PIEZO1: variants seen among roughly 807,000 people sequenced by gnomAD.
PIEZO1 encodes piezo type mechanosensitive ion channel component 1 (Er blood group).
In PIEZO1, 296 loss-of-function variants were observed where a neutral mutation model predicts 297.2. That is an observed-to-expected ratio of 1.00 (90% confidence interval 0.91 to 1.10). The LOEUF (loss-of-function observed/expected upper bound fraction) is 1.10. Among genes scored for constraint, PIEZO1 ranks in the 50% least tolerant of loss-of-function variants. The pLI is 0.00. For synonymous variants in PIEZO1, 2,427 were observed against 1,507.5 expected (o/e 1.61, Z -14.13); for missense variants, 5,018 against 3,455.5 (o/e 1.45, Z -11.34).
At chr16:88,764,699 T>G (rs1266253079) in intron 1 of PIEZO1, among the ~76,000 whole-genome samples, 1 of 144,570 alleles carries the variant, frequency 6.9e-6, no homozygotes, top group African/African-American at 2.6e-5. Flanking sequence ...CCCAGTGAGC[T>G]GGGATCGCAC....
intron 20 of PIEZO1, 25 bp downstream of exon 20, chr16:88,732,574 CCCGCCCAG>C: frequency 1.3e-6 from 2 of 1,543,194 alleles, no homozygotes; most frequent in Non-Finnish European, 8.8e-7. Context: ...CGGGTACTCG[CCCGCCCAG>C]CCGCCCACCA....
At chr16:88,765,759 T>C (rs1182943834) in intron 1 of PIEZO1, among the ~76,000 whole-genome samples, 2 of 150,212 alleles carry the variant, frequency 1.3e-5, no homozygotes, top group Admixed American at 6.6e-5. Flanking sequence ...CTACAACCTC[T>C]ACCTCCTGGG....
intron 1 of PIEZO1, 80 bp from the exon 2 acceptor site, chr16:88,749,559 A>G (rs1374343230): frequency 4.7e-6 from 5 of 1,069,028 alleles, no homozygotes; most frequent in Non-Finnish European, 5.3e-6. Context: ...CCCACGGCCC[A>G]GCTCGTCACA....
chr16:88,731,507 T>A, intron 22 of PIEZO1, 199 bp downstream of exon 22: 1 of 584,426 alleles, frequency 1.7e-6, no homozygotes. Flanking sequence ...CAGCAGAGCC[T>A]GGAGGGGGCC....
rs2142769261 is a variant in PIEZO1, at chr16:88,722,629, G to A, written c.4729C>T (p.Leu1577=). The change falls in exon 35 of 51, where the codon CTG becomes TTG. Residue 1577 remains leucine, a synonymous_variant. Coordinates refer to ENST00000301015, the MANE Select transcript of PIEZO1 (RefSeq NM_001142864.4). Reference sequence around the variant, plus strand: ...TTGGGGGCCTCGGTGGGGCCTGGCAGCGTGGCCTCGGCCTGGCTTGTGTAC... The same window carrying A: ...TTGGGGGCCTCGGTGGGGCCTGGCAACGTGGCCTCGGCCTGGCTTGTGTAC... ...QLYTSQAEAT[L]PGPTEAPNAP... 1 of 1,538,540 alleles carries A rather than the reference G, an allele frequency of 6.5e-7. No individual in the cohort carries two copies. Among genetic ancestry groups the A allele is most frequent in the Non-Finnish European group, 8.7e-7 (1 of 1,146,036 alleles).
chr16:88,774,872 G>C (rs958488485), intron 1 of PIEZO1, among the ~76,000 whole-genome samples: 5 of 152,230 alleles, frequency 3.3e-5, no homozygotes, highest in African/African-American at 1.2e-4. Context: ...AACCACCCAG[G>C]CATTCAGAGA....
Position 88,722,385 on chromosome 16 carries a change from C to G in PIEZO1, c.4788G>C (p.Ala1596=). 6.6e-7 allele frequency: 1 copy of G among 1,505,200 alleles called. No individual in the cohort carries two copies. The allele number at this position is 1,505,200 out of a possible 1,614,324, so 93.2% of individuals were successfully genotyped here. A position where few individuals can be genotyped will look rare whatever the true frequency, so the allele number is the denominator to read the frequency against. ...CTGTCATGCTGCTGAGTGGCTCCTC[C>G]GCGCCCAGCCCACTGGGGAGGGAAG... is the stretch of plus-strand genomic sequence containing the variant. ...APSTVSSGLG[A]EEPLSSMTDD... is the part of the protein sequence containing the mutation. The change falls in exon 36 of 51, where the codon GCG becomes GCC. Residue 1596 remains alanine (A), a synonymous_variant. Transcript: ENST00000301015.
chr16:88,749,424 C>T lies in PIEZO1; in HGVS notation c.120G>A (p.Leu40=). The T allele has an allele frequency of 6.6e-7, 1 of 1,522,918 alleles. No individual in the cohort carries two copies. Among genetic ancestry groups the T allele is most frequent in the Non-Finnish European group, 8.8e-7 (1 of 1,141,718 alleles). The allele number at this position is 1,522,918 out of a possible 1,614,324, so 94.3% of individuals were successfully genotyped here. A position where few individuals can be genotyped will look rare whatever the true frequency, so the allele number is the denominator to read the frequency against. The change falls in exon 2 of 51, where the codon CTG becomes CTA. Residue 40 remains leucine, a synonymous_variant. Transcript: ENST00000301015. ...GGGTGGGGCCGGGGAACCAGGGCAGCAGCAGCAGGAAGAGCAGGTAGACCA... is the reference window on the plus strand; with the variant it reads ...GGGTGGGGCCGGGGAACCAGGGCAGTAGCAGCAGGAAGAGCAGGTAGACCA... ...LSLVYLLFLL[L]LPWFPGPTRC...
At position 88,727,647 on chromosome 16, in the gene PIEZO1, A is replaced by G; in HGVS notation, c.3211T>C (p.Trp1071Arg). The change falls in exon 23 of 51, where the codon TGG becomes CGG. Residue 1071 changes from tryptophan to arginine, a missense_variant. Transcript: ENST00000301015. ...PALCIDYPWR[W>R]SRAVPMNSAL... ...GAGTTCATGGGGACGGCCCGGCTCC[A>G]GCGCCAGGGATAATCTGGGGGAAGG... is the stretch of plus-strand genomic sequence containing the variant. The G allele has an allele frequency of 6.8e-7, 1 of 1,478,422 alleles. No individual in the cohort carries two copies. The highest frequency in any genetic ancestry group is 1.4e-5 in the African/African-American group (1 of 70,790). 91.6% of individuals were successfully genotyped at this position (1,478,422 alleles called of 1,614,324 possible). A position where few individuals can be genotyped will look rare whatever the true frequency, so the allele number is the denominator to read the frequency against.
intron 21 of PIEZO1, 70 bp downstream of exon 21, chr16:88,732,254 TGCGGTGCCTGC>T (rs1904902412): frequency 2.4e-6 from 3 of 1,269,008 alleles, no homozygotes; most frequent in Non-Finnish European, 3.3e-6. Context: ...GGGCCAGGCT[TGCGGTGCCTGC>T]ACGGTGCAGC....
At chr16:88,736,616 C>T (rs984450945) in intron 11 of PIEZO1, 23 bp downstream of exon 11, 19 of 1,517,174 alleles carry the variant, frequency 1.3e-5, no homozygotes, top group Non-Finnish European at 1.6e-5. Context: ...GGGCCGCCCA[C>T]CCCAACCCCC....
Position 88,732,579 on chromosome 16 carries a change from C to T in PIEZO1, c.2790+28G>A, listed in dbSNP as rs748433666. 63 of 1,543,328 alleles carry T rather than the reference C, an allele frequency of 4.1e-5. No homozygotes were observed. In the South Asian group the frequency reaches 6.8e-4, roughly 17 times the overall value. ...AGGGGGCAGCCGGGTACTCGCCCGC[C>T]CAGCCGCCCACCAGCCCTTCAACTC... is the stretch of plus-strand genomic sequence containing the variant. On this transcript the variant is annotated intron_variant, in intron 20 of 50. Coordinates refer to ENST00000301015, the MANE Select transcript of PIEZO1 (RefSeq NM_001142864.4).
chr16:88,749,445 G>C lies in PIEZO1; in HGVS notation c.99C>G (p.Val33=), dbSNP rs1241374574. ...CLLRFSGLSL[V]YLLFLLLLPW... Reference sequence around the variant, plus strand: ...GCAGCAGCAGCAGGAAGAGCAGGTAGACCAGCGAGAGTCCGCTGAAGCGGA... The same window carrying C: ...GCAGCAGCAGCAGGAAGAGCAGGTACACCAGCGAGAGTCCGCTGAAGCGGA... Residue 33 remains valine (V), a synonymous_variant, in exon 2 of 51, where the codon GTC becomes GTG. Transcript: ENST00000301015. 2.6e-6 allele frequency: 4 copies of C among 1,524,394 alleles called. No individual in the cohort carries two copies. Among genetic ancestry groups the C allele is most frequent in the East Asian group, 2.5e-5 (1 of 39,486 alleles). 94.4% of individuals were successfully genotyped at this position (1,524,394 alleles called of 1,614,324 possible).
At position 88,741,376 on chromosome 16, in the gene PIEZO1, C is replaced by T. The variant is rs570570772; in HGVS notation, c.465+102G>A. 2.6e-5 allele frequency: 29 copies of T among 1,126,366 alleles called. No individual in the cohort carries two copies. The African/African-American group carries it at 3.2e-4, about 12-fold the overall frequency. 69.8% of individuals were successfully genotyped at this position (1,126,366 alleles called of 1,614,324 possible). ...CTTTAACACCAACTTACAACCAAAA[C>T]GTCTACATCTGTTTTAAAAAGATTA... On this transcript the variant is annotated intron_variant, in intron 5 of 50. Coordinates refer to ENST00000301015, the MANE Select transcript of PIEZO1 (RefSeq NM_001142864.4).
chr16:88,719,596 T>A lies in PIEZO1; in HGVS notation c.6449A>T (p.Lys2150Ile), dbSNP rs1335137193. ...EDIYANIFII[K>I]CSRETEKKYP... is the part of the protein sequence containing the mutation. ...CACCTTCTCTGTCTCTCGGCTGCAT[T>A]TGATGATGAAGATGTTGGCATAGAT... The change falls in exon 44 of 51, where the codon AAA (lysine) becomes ATA (isoleucine). Residue 2150 changes from lysine to isoleucine, a missense_variant. Physicochemically the swap from Lys to Ile is moderately radical, Grantham distance 102. Coordinates refer to ENST00000301015, the MANE Select transcript of PIEZO1 (RefSeq NM_001142864.4). The A allele has an allele frequency of 2.6e-6, 4 of 1,551,266 alleles. No individual in the cohort carries two copies. The highest frequency in any genetic ancestry group is 2.0e-5 in the Admixed American group (1 of 51,080).
chr16:88,780,316 G>A (rs926569466), intron 1 of PIEZO1, among the ~76,000 whole-genome samples: 9 of 152,158 alleles, frequency 5.9e-5, no homozygotes, highest in African/African-American at 1.4e-4. Context: ...CTCAACAGCC[G>A]CACCCTGAAG....
At chr16:88,716,934 G>A (rs1402702580) in intron 45 of PIEZO1, 36 bp from the exon 46 acceptor site, 18 of 1,545,176 alleles carry the variant, frequency 1.2e-5, no homozygotes, top group Admixed American at 2.0e-5. Flanking sequence ...CCACGAAGAT[G>A]AGCGTGGAGG....
In PIEZO1 at chr16:88,734,000, CT is replaced by C; in HGVS notation, c.2234del (p.Gln745ArgfsTer83). 1.4e-5 allele frequency: 21 copies of C among 1,546,114 alleles called. No individual in the cohort carries two copies. The highest frequency in any genetic ancestry group is 1.8e-5 in the Non-Finnish European group (21 of 1,143,882). On this transcript the variant is annotated frameshift_variant, in exon 17 of 51. Transcript: ENST00000301015. LOFTEE classifies it high-confidence loss of function. ...PLLREEQQEH[Q>X]QQQQEEEEEE... is the part of the protein sequence containing the mutation. ...CCTCCTCCTCCTCCTGCTGCTGCTG[CT>C]GATGCTCCTGCTGCTCCTCCCGCAG...
chr16:88,780,161 C>CT (rs1299922797), intron 1 of PIEZO1, among the ~76,000 whole-genome samples: 1 of 152,232 alleles, frequency 6.6e-6, no homozygotes. Flanking sequence ...CCCAAGTCCC[C>CT]TTCAGGTGCC....
Sources: gnomAD v4.1 joint callset for allele counts (sites outside exome capture counted in the v4.1 genomes callset) on GRCh38, gnomAD v4.1.1 for gene constraint, MANE v1.5 for transcripts, NCBI Gene and HGNC (gene_info 2026-07-23, HGNC 2026-07-21) for gene names.